The following EYS variants were observed in gnomAD, a reference collection of about 807,000 sequenced individuals.
EYS encodes protein eyes shut homolog.
Under a neutral mutation model 282.1 loss-of-function variants are expected in EYS, and 250 were observed. That is an observed-to-expected ratio of 0.89 (90% confidence interval 0.80 to 0.98). The LOEUF is 0.98. Ranked by LOEUF, EYS falls within the 50% of genes least tolerant of loss-of-function variation. EYS has a pLI of 0.00. For synonymous variants in EYS, 1,355 were observed against 1,282.9 expected, an observed-to-expected ratio of 1.06 and a Z score of -1.20; for missense variants, 4,016 against 3,709.0, an observed-to-expected ratio of 1.08 and a Z score of -2.15.
chr6:65,392,699 T>C (rs944206402), intron 7 of EYS, among the ~76,000 whole-genome samples: 1 of 151,830 alleles, frequency 6.6e-6, no homozygotes, highest in Non-Finnish European at 1.5e-5. Flanking sequence ...TGTGGAGAAA[T>C]AGGAACACTT....
intron 37 of EYS, among the ~76,000 whole-genome samples, chr6:63,793,417 A>C (rs941740605): frequency 1.3e-5 from 2 of 152,360 alleles, no homozygotes; most frequent in Admixed American, 1.3e-4. Context: ...AAGGAAGTAC[A>C]TATGCATGCA....
intron 9 of EYS, among the ~76,000 whole-genome samples, chr6:65,347,916 C>A (rs1479855756): frequency 1.3e-5 from 2 of 151,496 alleles, no homozygotes; most frequent in Admixed American, 1.3e-4. Flanking sequence ...TCATTCTACT[C>A]TCTATCTGTA....
At chr6:65,399,371 A>T (rs1766408248) in intron 7 of EYS, among the ~76,000 whole-genome samples, 1 of 151,998 alleles carries the variant, frequency 6.6e-6, no homozygotes. Flanking sequence ...CATTTCAATC[A>T]GTAAGATCCA....
chr6:64,597,337 C>T (rs1034345158), intron 24 of EYS, among the ~76,000 whole-genome samples: 6 of 152,062 alleles, frequency 3.9e-5, no homozygotes, highest in Non-Finnish European at 7.4e-5. Context: ...AATAGAACTA[C>T]GATTCAATTC....
intron 12 of EYS, among the ~76,000 whole-genome samples, chr6:65,121,589 G>T: frequency 6.6e-6 from 1 of 152,180 alleles, no homozygotes; most frequent in East Asian, 1.9e-4. Context: ...AGAATATTTT[G>T]GGGGGAGTGA....
At chr6:64,430,091 T>G (rs1774529475) in intron 28 of EYS, among the ~76,000 whole-genome samples, 1 of 152,194 alleles carries the variant, frequency 6.6e-6, no homozygotes, top group South Asian at 2.1e-4. Context: ...CCCGCTCTAA[T>G]TGACACATGT....
At chr6:63,908,104 G>C (rs1773829942) in intron 35 of EYS, among the ~76,000 whole-genome samples, 1 of 147,418 alleles carries the variant, frequency 6.8e-6, no homozygotes, top group South Asian at 2.2e-4. Context: ...CTATAACATT[G>C]GCCAGTCATC....
intron 11 of EYS, among the ~76,000 whole-genome samples, chr6:65,316,627 C>T (rs1290525003): frequency 6.8e-6 from 1 of 147,468 alleles, no homozygotes; most frequent in African/African-American, 2.6e-5. Context: ...CTATCCCTCC[C>T]CTAGCCCCTC....
At chr6:64,197,178 A>G (rs1188768967) in intron 31 of EYS, among the ~76,000 whole-genome samples, 1 of 152,198 alleles carries the variant, frequency 6.6e-6, no homozygotes, top group Non-Finnish European at 1.5e-5. Flanking sequence ...GAAAACCTAT[A>G]AAGACTAGAA....
chr6:64,232,579 C>A (rs1241459737), intron 30 of EYS, among the ~76,000 whole-genome samples: 1 of 152,014 alleles, frequency 6.6e-6, no homozygotes. Flanking sequence ...TCAGTATAGA[C>A]GGGGTTTCCC....
At chr6:65,244,723 C>T (rs925617560) in intron 12 of EYS, among the ~76,000 whole-genome samples, 2 of 150,768 alleles carry the variant, frequency 1.3e-5, no homozygotes, top group Non-Finnish European at 3.0e-5. Context: ...GGGGTTTCAC[C>T]GTGTTAGCTA....
intron 12 of EYS, among the ~76,000 whole-genome samples, chr6:65,185,508 C>A (rs1765495936): frequency 6.6e-6 from 1 of 151,790 alleles, no homozygotes; most frequent in Admixed American, 6.6e-5. Context: ...GGAGTTTAAT[C>A]AATTTATTCT....
chr6:64,641,342 A>G (rs2149870951), intron 22 of EYS, among the ~76,000 whole-genome samples: 1 of 152,282 alleles, frequency 6.6e-6, no homozygotes, highest in African/African-American at 2.4e-5. Context: ...CTCCACCATA[A>G]TTCAATTGCC....
At chr6:64,740,752 C>T (rs987390072) in intron 22 of EYS, among the ~76,000 whole-genome samples, 28 of 148,852 alleles carry the variant, frequency 1.9e-4, no homozygotes, top group Non-Finnish European at 3.5e-4. Flanking sequence ...CTCGCTCTGT[C>T]ACCCAGGCTG....
At chr6:65,144,042 A>C (rs900944591) in intron 12 of EYS, among the ~76,000 whole-genome samples, 1 of 152,256 alleles carries the variant, frequency 6.6e-6, no homozygotes, top group Non-Finnish European at 1.5e-5. Flanking sequence ...GGGTTGACAC[A>C]AATAACTTCT....
At chr6:65,362,548 A>T (rs1764750164) in intron 8 of EYS, among the ~76,000 whole-genome samples, 2 of 151,846 alleles carry the variant, frequency 1.3e-5, no homozygotes, top group Admixed American at 6.6e-5. Flanking sequence ...GCATATATGT[A>T]TGTATACACA....
chr6:63,939,120 T>C (rs1017132102), intron 35 of EYS, among the ~76,000 whole-genome samples: 1 of 150,984 alleles, frequency 6.6e-6, no homozygotes, highest in Non-Finnish European at 1.5e-5. Flanking sequence ...ACAAGCTTCT[T>C]TGTGAGGGGA....
intron 22 of EYS, among the ~76,000 whole-genome samples, chr6:64,655,270 A>T (rs1295427817): frequency 1.3e-5 from 2 of 152,162 alleles, no homozygotes; most frequent in Non-Finnish European, 2.9e-5. Context: ...ATTAAGAGAG[A>T]TGATTGATTT....
At chr6:64,963,175 A>G (rs1418513133) in intron 14 of EYS, among the ~76,000 whole-genome samples, 2 of 152,212 alleles carry the variant, frequency 1.3e-5, no homozygotes, top group Non-Finnish European at 2.9e-5. Context: ...TTCTAAAGAT[A>G]GTTACTGCAA....
Sources: allele counts gnomAD v4.1 joint callset (sites outside exome capture counted in the v4.1 genomes callset), GRCh38; gene constraint gnomAD v4.1.1; transcripts MANE v1.5; gene names NCBI Gene and HGNC (gene_info 2026-07-23, HGNC 2026-07-21).